The following MAL variants were observed in gnomAD, a reference collection of about 807,000 sequenced individuals.
MAL encodes mal, T cell differentiation protein (MAL blood group).
A neutral mutation model predicts 16.7 loss-of-function variants in MAL; 5 were observed. The ratio of observed to expected loss-of-function variants is 0.30; its 90% CI spans 0.16 to 0.63. The LOEUF is 0.63. Among genes scored for constraint, MAL ranks in the 30% least tolerant of loss-of-function variants. The pLI, the probability that MAL is intolerant of heterozygous loss-of-function variation, is 0.82. For missense variants in MAL, 202 were observed against 195.8 expected, an observed-to-expected ratio of 1.03 and a Z score of -0.19; for synonymous variants, 96 against 85.5, an observed-to-expected ratio of 1.12 and a Z score of -0.67.
chr2:95,041,814 A>AT (rs530367660), intron 1 of MAL, among the ~76,000 whole-genome samples: 48 of 150,900 alleles, frequency 3.2e-4, no homozygotes, highest in South Asian at 2.7e-3. Context: ...TTCCTGACAG[A>AT]TTTTTTTTTT....
chr2:95,043,433 G>T (rs1036928211), intron 1 of MAL, among the ~76,000 whole-genome samples: 1 of 152,236 alleles, frequency 6.6e-6, no homozygotes, highest in African/African-American at 2.4e-5. Context: ...AGACTGCTGT[G>T]AGTTGCCATT....
intron 3 of MAL, 199 bp from the exon 4 acceptor site, chr2:95,053,182 A>C (rs1172219420): frequency 3.7e-6 from 2 of 535,114 alleles, no homozygotes; most frequent in Admixed American, 3.0e-5. Flanking sequence ...CTGTTAGGTC[A>C]CATGGAGCTC....
At chr2:95,045,519 C>G (rs1392460924) in intron 1 of MAL, among the ~76,000 whole-genome samples, 2 of 152,222 alleles carry the variant, frequency 1.3e-5, no homozygotes, top group Admixed American at 6.5e-5. Context: ...TCAGGGAAAG[C>G]GCCATGTTAT....
chr2:95,040,423 A>G (rs1266266364), intron 1 of MAL, among the ~76,000 whole-genome samples: 2 of 152,214 alleles, frequency 1.3e-5, no homozygotes, highest in Admixed American at 6.5e-5. Context: ...ATACACATAC[A>G]TACGCACAGA....
At chr2:95,049,482 G>C (rs369551081) in intron 2 of MAL, 99 bp from the exon 3 acceptor site, 67 of 1,475,310 alleles carry the variant, frequency 4.5e-5, no homozygotes, top group South Asian at 5.0e-5. Context: ...CAAAGGAAGT[G>C]GGGGGAGAGG....
At chr2:95,041,629 C>T (rs1674468473) in intron 1 of MAL, among the ~76,000 whole-genome samples, 1 of 152,100 alleles carries the variant, frequency 6.6e-6, no homozygotes, top group South Asian at 2.1e-4. Flanking sequence ...ATAACTTGCC[C>T]AGGGACAGCA....
At chr2:95,030,895 G>A (rs1573285951) in intron 1 of MAL, among the ~76,000 whole-genome samples, 1 of 152,358 alleles carries the variant, frequency 6.6e-6, no homozygotes, top group South Asian at 2.1e-4. Context: ...TGACTGGACT[G>A]TTATTAAGAG....
Position 95,049,625 on chromosome 2 carries a change from C to T in MAL, c.306C>T (p.Ala102=), listed in dbSNP as rs1286039808. 9 of 1,614,128 alleles carry T rather than the reference C, an allele frequency of 5.6e-6. No individual in the cohort carries two copies. In the South Asian group the frequency reaches 9.9e-5, roughly 18 times the overall value. ...HCTAALFYLS[A]SVLEALATIT... is the part of the protein sequence containing the mutation. ...CCGCTGCCCTCTTTTACCTCAGCGC[C>T]TCAGTCCTGGAGGCCCTGGCCACCA... is the stretch of plus-strand genomic sequence containing the variant. Residue 102 remains alanine (A), a synonymous_variant, in exon 3 of 4, where the codon GCC becomes GCT. Coordinates refer to ENST00000309988, the MANE Select transcript of MAL (RefSeq NM_002371.4).
chr2:95,039,400 C>G lies in MAL; in HGVS notation c.94-8559C>G, dbSNP rs144888106. ...AGTGAGTGAGTGAGTGAGTGAGTGA[C>G]TGAGTGAATGGGTGAGTGAGTGAGT... On this transcript the variant is annotated intron_variant, in intron 1 of 3. Coordinates refer to ENST00000309988, the MANE Select transcript of MAL (RefSeq NM_002371.4). Among the ~76,000 whole-genome samples, 453 of 81,868 alleles carry G rather than the reference C, an allele frequency of 5.5e-3. 7 individuals are homozygous for G. The highest frequency in any genetic ancestry group is 0.016 in the Middle Eastern group (1 of 64). 53.7% of individuals were successfully genotyped at this position (81,868 alleles called of 152,430 possible).
intron 1 of MAL, among the ~76,000 whole-genome samples, chr2:95,042,024 T>G (rs1228060254): frequency 1.3e-5 from 2 of 151,990 alleles, no homozygotes; most frequent in African/African-American, 4.8e-5. Context: ...ACCCTCTCAG[T>G]CCCCATCCTG....
chr2:95,038,867 ACTGAGTGG>A (rs199504399), intron 1 of MAL, among the ~76,000 whole-genome samples: 1 of 134,682 alleles, frequency 7.4e-6, no homozygotes, highest in African/African-American at 2.9e-5. Context: ...TGAGTGAGTG[ACTGAGTGG>A]GTGAGTGAGT....
At chr2:95,027,588 A>C (rs918348260) in intron 1 of MAL, among the ~76,000 whole-genome samples, 3 of 152,154 alleles carry the variant, frequency 2.0e-5, no homozygotes, top group African/African-American at 4.8e-5. Flanking sequence ...AGCTGACCCC[A>C]AGCCTCTCAG....
intron 1 of MAL, among the ~76,000 whole-genome samples, chr2:95,043,715 G>A (rs1226829666): frequency 2.0e-5 from 3 of 152,270 alleles, no homozygotes; most frequent in South Asian, 2.1e-4. Context: ...TGCCTTTCCC[G>A]TATCCTCCTC....
At chr2:95,046,950 GAAAA>G (rs1347181024) in intron 1 of MAL, among the ~76,000 whole-genome samples, 41 of 132,570 alleles carry the variant, frequency 3.1e-4, no homozygotes, top group African/African-American at 6.0e-4. Flanking sequence ...GAAAGAAAGA[GAAAA>G]AAGAAAGAAA....
chr2:95,051,733 G>T (rs181221795), intron 3 of MAL: 1 of 152,156 alleles, frequency 6.6e-6, no homozygotes, highest in Non-Finnish European at 1.5e-5. Context: ...AGACAGGAGC[G>T]TTAGAATTGA....
At chr2:95,052,425 A>C (rs1417761965) in intron 3 of MAL, among the ~76,000 whole-genome samples, 1 of 152,168 alleles carries the variant, frequency 6.6e-6, no homozygotes, top group Non-Finnish European at 1.5e-5. Flanking sequence ...GTTCTCTTAA[A>C]TGTGTTATTC....
At chr2:95,037,268 GGTGA>G (rs1674245882) in intron 1 of MAL, among the ~76,000 whole-genome samples, 1 of 137,350 alleles carries the variant, frequency 7.3e-6, no homozygotes, top group Non-Finnish European at 1.6e-5. Context: ...TGACTGAGTG[GGTGA>G]GTGAGTGACT....
At position 95,032,267 on chromosome 2, in the gene MAL, A is replaced by G. The variant is rs533005839; in HGVS notation, c.93+6382A>G. On this transcript the variant is annotated intron_variant, in intron 1 of 3. Coordinates refer to ENST00000309988, the MANE Select transcript of MAL (RefSeq NM_002371.4). ...GGGCAGAGCATATTGTGCTGCCAGC[A>G]CAGACTAGCTCTGCACAGCCTTAGC... Among the ~76,000 whole-genome samples, 5 of 152,376 alleles carry G rather than the reference A, an allele frequency of 3.3e-5. No homozygotes were observed. In the South Asian group the frequency reaches 6.2e-4, roughly 19 times the overall value.
At chr2:95,038,628 GTGAC>G (rs1476590877) in intron 1 of MAL, among the ~76,000 whole-genome samples, 12 of 151,544 alleles carry the variant, frequency 7.9e-5, no homozygotes, top group Admixed American at 2.0e-4. Context: ...GAGTGAGTGA[GTGAC>G]TGAGTGACTG....
Sources: allele counts gnomAD v4.1 joint callset (sites outside exome capture counted in the v4.1 genomes callset), GRCh38; gene constraint gnomAD v4.1.1; transcripts MANE v1.5; gene names NCBI Gene and HGNC (gene_info 2026-07-23, HGNC 2026-07-21).